CDH2: variants seen among roughly 807,000 people sequenced by gnomAD.
CDH2 encodes cadherin-2.
In CDH2, 17 loss-of-function variants were observed where a neutral mutation model predicts 92.0. That is an observed-to-expected ratio of 0.18 (90% CI 0.13 to 0.28). The LOEUF (loss-of-function observed/expected upper bound fraction) is 0.28, where lower values mean the gene tolerates loss of function less well. Among genes scored for constraint, CDH2 ranks in the 10% least tolerant of loss-of-function variants. CDH2 has a pLI of 1.00. For missense variants in CDH2, 862 were observed against 1,133.1 expected (o/e 0.76, Z 3.44); for synonymous variants, 419 against 415.9 (o/e 1.01, Z -0.09).
At chr18:28,060,329 G>T (rs749790452) in intron 2 of CDH2, among the ~76,000 whole-genome samples, 4 of 152,080 alleles carry the variant, frequency 2.6e-5, no homozygotes, top group Non-Finnish European at 4.4e-5. Context: ...GGGACTACAG[G>T]CGCGTGCTAC....
chr18:28,122,847 C>A (rs964725975), intron 2 of CDH2, among the ~76,000 whole-genome samples: 1 of 152,022 alleles, frequency 6.6e-6, no homozygotes. Context: ...AAAAGAAATT[C>A]TCCAGTGGGC....
chr18:28,117,357 C>T lies in CDH2; in HGVS notation c.172+30316G>A, dbSNP rs76310469. ...TTCACAACTAGCAGGACATAGATATCCCTTCCAGGCTGGCCACCTGGCCCA... is the reference window on the plus strand; with the variant it reads ...TTCACAACTAGCAGGACATAGATATTCCTTCCAGGCTGGCCACCTGGCCCA... On this transcript the variant is annotated intron_variant, in intron 2 of 15. Coordinates refer to ENST00000269141, the MANE Select transcript of CDH2 (RefSeq NM_001792.5). 2.1e-3 allele frequency among the ~76,000 whole-genome samples: 312 copies of T among 152,188 alleles called. 2 individuals carry two copies. The highest frequency in any genetic ancestry group is 1.8e-3 in the Non-Finnish European group (125 of 67,982).
At chr18:28,167,367 T>A (rs999017047) in intron 1 of CDH2, among the ~76,000 whole-genome samples, 1 of 152,116 alleles carries the variant, frequency 6.6e-6, no homozygotes, top group Non-Finnish European at 1.5e-5. Context: ...GAGTGGCCTT[T>A]AGCTGCAAAA....
At chr18:27,983,152 T>C in intron 13 of CDH2, 69 bp from the exon 14 acceptor site, 1 of 1,204,538 alleles carries the variant, frequency 8.3e-7, no homozygotes, top group Non-Finnish European at 1.2e-6. Flanking sequence ...AGTCACAGTA[T>C]TCAGTACTAA....
chr18:27,983,427 G>C (rs2012124068), intron 13 of CDH2, among the ~76,000 whole-genome samples: 1 of 152,134 alleles, frequency 6.6e-6, no homozygotes, highest in Non-Finnish European at 1.5e-5. Context: ...CCTTCATAGG[G>C]CCTTGTAAAT....
At chr18:28,151,872 C>A (rs567967567) in intron 1 of CDH2, among the ~76,000 whole-genome samples, 1 of 152,290 alleles carries the variant, frequency 6.6e-6, no homozygotes, top group East Asian at 1.9e-4. Flanking sequence ...TGAAACTACT[C>A]AATCTGCTGC....
intron 2 of CDH2, among the ~76,000 whole-genome samples, chr18:28,138,533 G>A (rs1449126236): frequency 6.6e-6 from 1 of 152,210 alleles, no homozygotes; most frequent in East Asian, 1.9e-4. Context: ...GAGTAAACAA[G>A]AATCCTCAAA....
At position 28,018,870 on chromosome 18, in the gene CDH2, C is replaced by G. The variant is rs529481055; in HGVS notation, c.173-4961G>C. Among the ~76,000 whole-genome samples, 14 of 123,048 alleles carry G rather than the reference C, an allele frequency of 1.1e-4. No individual in the cohort carries two copies. In the East Asian group the frequency reaches 3.0e-3, roughly 26 times the overall value. 80.7% of individuals were successfully genotyped at this position (123,048 alleles called of 152,430 possible). A position where few individuals can be genotyped will look rare whatever the true frequency, so the allele number is the denominator to read the frequency against. On this transcript the variant is annotated intron_variant, in intron 2 of 15. Transcript: ENST00000269141. The stretch of plus-strand genomic sequence containing the variant: ...TATATGAAAAAGATACTTGCACACA[C>G]GTTTATATATATATATATATATGTA...
At chr18:28,053,604 A>G (rs982685086) in intron 2 of CDH2, among the ~76,000 whole-genome samples, 9 of 152,244 alleles carry the variant, frequency 5.9e-5, no homozygotes, top group Non-Finnish European at 1.2e-4. Context: ...CAAATAACCA[A>G]TTAAGTCCTA....
chr18:27,950,946 G>C (rs1356278140), downstream of CDH2: 1 of 152,504 alleles, frequency 6.6e-6, no homozygotes, highest in African/African-American at 2.4e-5. Context: ...AAGTAGAAAA[G>C]AAAAAGTTCA....
At chr18:28,068,913 T>A (rs888332797) in intron 2 of CDH2, among the ~76,000 whole-genome samples, 1 of 152,190 alleles carries the variant, frequency 6.6e-6, no homozygotes, top group African/African-American at 2.4e-5. Context: ...GACAAGTCTC[T>A]ACCACATAAT....
intron 2 of CDH2, among the ~76,000 whole-genome samples, chr18:28,100,551 G>A (rs1042420599): frequency 1.1e-4 from 17 of 152,236 alleles, no homozygotes; most frequent in Admixed American, 3.3e-4. Context: ...CCTATGGCTC[G>A]GTTTCTCTGG....
intron 15 of CDH2, 70 bp downstream of exon 15, chr18:27,963,287 T>A: frequency 7.1e-7 from 1 of 1,418,118 alleles, no homozygotes; most frequent in Non-Finnish European, 9.9e-7. Context: ...AAGCAATTTG[T>A]GGCCTACAGA....
intron 3 of CDH2, among the ~76,000 whole-genome samples, chr18:28,013,239 A>T (rs2013148114): frequency 6.6e-6 from 1 of 152,182 alleles, no homozygotes; most frequent in African/African-American, 2.4e-5. Context: ...TAAATAATTC[A>T]TACCCCCCAA....
intron 11 of CDH2, among the ~76,000 whole-genome samples, chr18:27,987,269 A>G (rs2012265528): frequency 6.6e-6 from 1 of 152,228 alleles, no homozygotes; most frequent in Admixed American, 6.5e-5. Context: ...AGCATAAAAC[A>G]GGTACTAATG....
chr18:28,176,928 CG>C, intron 1 of CDH2, 34 bp downstream of exon 1: 3 of 1,226,752 alleles, frequency 2.4e-6, no homozygotes, highest in Non-Finnish European at 3.1e-6. Context: ...CGCCCCACCC[CG>C]CCCGTGGCCC....
intron 2 of CDH2, among the ~76,000 whole-genome samples, chr18:28,103,873 A>G (rs1388597257): frequency 6.6e-6 from 1 of 152,098 alleles, no homozygotes; most frequent in African/African-American, 2.4e-5. Context: ...GGTGTATTAT[A>G]TATTTATATA....
chr18:28,134,135 C>CA lies in CDH2; in HGVS notation c.172+13537dup, dbSNP rs34083301. Among the ~76,000 whole-genome samples, 123 of 91,560 alleles carry CA rather than the reference C, an allele frequency of 1.3e-3. 1 individual carries two copies. Among genetic ancestry groups the CA allele is most frequent in the African/African-American group, 1.5e-3 (34 of 23,100 alleles). 60.1% of individuals were successfully genotyped at this position (91,560 alleles called of 152,430 possible). A position where few individuals can be genotyped will look rare whatever the true frequency, so the allele number is the denominator to read the frequency against. On this transcript the variant is annotated intron_variant, in intron 2 of 15. Coordinates refer to ENST00000269141, the MANE Select transcript of CDH2 (RefSeq NM_001792.5). Reference sequence around the variant, plus strand: ...GTTACTACAGTTCTGACTAAATTTACAAAAAAAAAAAAAAAAAAAAAAGAC... The same window carrying CA: ...GTTACTACAGTTCTGACTAAATTTACAAAAAAAAAAAAAAAAAAAAAAAGAC...
At chr18:28,044,797 A>G (rs1468166167) in intron 2 of CDH2, among the ~76,000 whole-genome samples, 3 of 151,812 alleles carry the variant, frequency 2.0e-5, no homozygotes, top group Non-Finnish European at 4.4e-5. Context: ...AATGAAGATA[A>G]TATCTTGTTC....
Sources: gnomAD v4.1 joint callset for allele counts (sites outside exome capture counted in the v4.1 genomes callset) on GRCh38, gnomAD v4.1.1 for gene constraint, MANE v1.5 for transcripts, NCBI Gene and HGNC (gene_info 2026-07-23, HGNC 2026-07-21) for gene names.